The following MAN1A2 variants were observed in gnomAD, a reference collection of about 807,000 sequenced individuals.
MAN1A2 encodes mannosyl-oligosaccharide 1,2-alpha-mannosidase IB.
In MAN1A2, 26 loss-of-function variants were observed where a neutral mutation model predicts 75.7. That is an observed-to-expected ratio of 0.34 (90% CI 0.25 to 0.48). The LOEUF (loss-of-function observed/expected upper bound fraction) is 0.48. Ranked by LOEUF, MAN1A2 falls within the 20% of genes least tolerant of loss-of-function variation. The pLI is 0.99. For missense variants in MAN1A2, 562 were observed against 775.5 expected (o/e 0.72, Z 3.27); for synonymous variants, 247 against 264.6 (o/e 0.93, Z 0.65).
chr1:117,492,548 T>A (rs924417969), intron 8 of MAN1A2, among the ~76,000 whole-genome samples: 2 of 152,046 alleles, frequency 1.3e-5, no homozygotes, highest in Admixed American at 6.6e-5. Context: ...AAACTTGCAG[T>A]ATCTCTGAGG....
chr1:117,421,159 G>A (rs1240425600), intron 5 of MAN1A2, among the ~76,000 whole-genome samples: 1 of 152,034 alleles, frequency 6.6e-6, no homozygotes, highest in Non-Finnish European at 1.5e-5. Context: ...GGAGAAGTGG[G>A]TGTAGGAAAT....
chr1:117,466,493 G>C lies in MAN1A2; in HGVS notation c.1168+66G>C, dbSNP rs1202856859. On this transcript the variant is annotated intron_variant, in intron 8 of 12. Coordinates refer to ENST00000356554, the MANE Select transcript of MAN1A2 (RefSeq NM_006699.5). ...TTTGTCTGAAAACTCTTTGCTTGAT[G>C]TTGTAAAAAGTACACTACGTGGAGT... 5 of 1,040,154 alleles carry C rather than the reference G, an allele frequency of 4.8e-6. No individual in the cohort carries two copies. The East Asian group carries it at 8.0e-5, about 17-fold the overall frequency. The allele number at this position is 1,040,154 out of a possible 1,614,324, so 64.4% of individuals were successfully genotyped here. A position where few individuals can be genotyped will look rare whatever the true frequency, so the allele number is the denominator to read the frequency against.
At chr1:117,437,726 CTTG>C (rs1224310662) in intron 5 of MAN1A2, among the ~76,000 whole-genome samples, 2 of 152,124 alleles carry the variant, frequency 1.3e-5, no homozygotes, top group Admixed American at 6.5e-5. Flanking sequence ...ATCTCACTGG[CTTG>C]TTGTGAGGAT....
chr1:117,406,606 T>C (rs923268076), intron 3 of MAN1A2, among the ~76,000 whole-genome samples: 3 of 152,094 alleles, frequency 2.0e-5, no homozygotes, highest in African/African-American at 7.2e-5. Flanking sequence ...GATGTTGTGG[T>C]AGAGGAGTAA....
At chr1:117,395,802 A>T (rs1220579821) in intron 1 of MAN1A2, among the ~76,000 whole-genome samples, 1 of 152,150 alleles carries the variant, frequency 6.6e-6, no homozygotes, top group Non-Finnish European at 1.5e-5. Flanking sequence ...CCACTCTCAC[A>T]TCTGGCACCA....
intron 1 of MAN1A2, among the ~76,000 whole-genome samples, chr1:117,387,401 G>C (rs947063920): frequency 2.0e-5 from 3 of 152,118 alleles, no homozygotes; most frequent in Non-Finnish European, 4.4e-5. Flanking sequence ...CAGTTGGTTT[G>C]GGACTGATAG....
chr1:117,400,223 G>A (rs1167903261), intron 1 of MAN1A2, among the ~76,000 whole-genome samples: 1 of 151,708 alleles, frequency 6.6e-6, no homozygotes, highest in Non-Finnish European at 1.5e-5. Context: ...CTTCCTCCCT[G>A]CTGAATGACC....
chr1:117,391,087 T>G (rs1026462386), intron 1 of MAN1A2, among the ~76,000 whole-genome samples: 2 of 152,160 alleles, frequency 1.3e-5, no homozygotes, highest in African/African-American at 4.8e-5. Context: ...TTTATTGAGT[T>G]TATAAATATT....
chr1:117,474,095 G>T (rs1369715479), intron 8 of MAN1A2, among the ~76,000 whole-genome samples: 1 of 151,994 alleles, frequency 6.6e-6, no homozygotes, highest in Admixed American at 6.6e-5. Context: ...GGTACAACAG[G>T]AGAACAGTGG....
At chr1:117,507,226 G>A (rs1157888871) in intron 12 of MAN1A2, among the ~76,000 whole-genome samples, 2 of 151,568 alleles carry the variant, frequency 1.3e-5, no homozygotes, top group Admixed American at 1.3e-4. Flanking sequence ...AACCACTGGG[G>A]TAAAGGAAAG....
chr1:117,486,600 A>G (rs535738857), intron 8 of MAN1A2, among the ~76,000 whole-genome samples: 1 of 152,118 alleles, frequency 6.6e-6, no homozygotes, highest in Non-Finnish European at 1.5e-5. Context: ...AGTTCAGATT[A>G]AAAGTATGAT....
intron 6 of MAN1A2, among the ~76,000 whole-genome samples, chr1:117,451,906 T>A (rs887844950): frequency 6.6e-6 from 1 of 152,042 alleles, no homozygotes; most frequent in Non-Finnish European, 1.5e-5. Flanking sequence ...GAGGACTGTG[T>A]GAGTCCAGGA....
intron 5 of MAN1A2, among the ~76,000 whole-genome samples, chr1:117,423,646 T>C (rs1648266743): frequency 6.6e-6 from 1 of 152,128 alleles, no homozygotes; most frequent in Non-Finnish European, 1.5e-5. Context: ...TGTCAGTATA[T>C]ATAAATACAT....
At chr1:117,487,482 A>C (rs906982278) in intron 8 of MAN1A2, among the ~76,000 whole-genome samples, 9 of 152,066 alleles carry the variant, frequency 5.9e-5, no homozygotes, top group African/African-American at 2.2e-4. Context: ...GAGAAAACTA[A>C]AAGCTATACA....
chr1:117,509,391 G>A (rs982813513), intron 12 of MAN1A2, among the ~76,000 whole-genome samples: 1 of 151,868 alleles, frequency 6.6e-6, no homozygotes, highest in African/African-American at 2.4e-5. Flanking sequence ...TGGCAAGGAT[G>A]TAAGAATCTA....
At chr1:117,489,517 T>A (rs963666807) in intron 8 of MAN1A2, among the ~76,000 whole-genome samples, 4 of 152,058 alleles carry the variant, frequency 2.6e-5, no homozygotes, top group Non-Finnish European at 5.9e-5. Context: ...TTAATTTTCC[T>A]TATTTGTCAG....
At chr1:117,394,209 G>A (rs997506587) in intron 1 of MAN1A2, among the ~76,000 whole-genome samples, 14 of 151,950 alleles carry the variant, frequency 9.2e-5, no homozygotes, top group African/African-American at 3.4e-4. Flanking sequence ...AGCCTCCTGA[G>A]TAGCTGGGAC....
At chr1:117,465,629 C>G (rs1029516929) in intron 7 of MAN1A2, among the ~76,000 whole-genome samples, 2 of 152,114 alleles carry the variant, frequency 1.3e-5, no homozygotes, top group Non-Finnish European at 2.9e-5. Flanking sequence ...ACAATATTCT[C>G]AAACAAATAA....
chr1:117,480,925 G>T (rs1045348627), intron 8 of MAN1A2, among the ~76,000 whole-genome samples: 1 of 151,800 alleles, frequency 6.6e-6, no homozygotes, highest in Non-Finnish European at 1.5e-5. Flanking sequence ...TCCTCTAGGA[G>T]TTTCTAATGG....
Sources: gnomAD v4.1 joint callset for allele counts (sites outside exome capture counted in the v4.1 genomes callset) on GRCh38, gnomAD v4.1.1 for gene constraint, MANE v1.5 for transcripts, NCBI Gene and HGNC (gene_info 2026-07-23, HGNC 2026-07-21) for gene names.